Variants in LRRCC1 observed in about 807,000 individuals in gnomAD.
The protein encoded by LRRCC1 is leucine-rich repeat and coiled-coil domain-containing protein 1.
A neutral mutation model predicts 126.0 loss-of-function variants in LRRCC1; 115 were observed. That is an observed-to-expected ratio of 0.91 (90% CI 0.78 to 1.07). The LOEUF (loss-of-function observed/expected upper bound fraction) is 1.07. LRRCC1 is among the 50% of genes least tolerant of loss of function. The pLI is 0.00. For missense variants in LRRCC1, 1,172 were observed against 1,175.7 expected, an observed-to-expected ratio of 1.00 and a Z score of 0.05; for synonymous variants, 400 against 393.4, an observed-to-expected ratio of 1.02 and a Z score of -0.20.
intron 1 of LRRCC1, 175 bp downstream of exon 1, chr8:85,107,574 G>A (rs972400617): frequency 9.3e-6 from 5 of 535,586 alleles, no homozygotes; most frequent in Admixed American, 6.7e-5. Flanking sequence ...GAAGTGCCAG[G>A]TTGAATGAGC....
intron 18 of LRRCC1, among the ~76,000 whole-genome samples, chr8:85,142,052 T>G (rs538621533): frequency 6.6e-6 from 1 of 152,216 alleles, no homozygotes; most frequent in African/African-American, 2.4e-5. Flanking sequence ...TCCCAGCACT[T>G]TGGGAGGCCA....
chr8:85,119,667 T>C (rs1809383252), intron 6 of LRRCC1, among the ~76,000 whole-genome samples: 1 of 152,054 alleles, frequency 6.6e-6, no homozygotes, highest in Non-Finnish European at 1.5e-5. Context: ...CTAATTTTTG[T>C]AATTTCAGTA....
chr8:85,123,423 C>T lies in LRRCC1; in HGVS notation c.941C>T (p.Ser314Leu), dbSNP rs1432905737. 1 of 1,584,302 alleles carries T rather than the reference C, an allele frequency of 6.3e-7. No individual in the cohort carries two copies. Reference sequence around the variant, plus strand: ...CTTTTTAAATTTTAGACTTCTAATTCAATAGATAACGTTCTTGAGAAAGAC... The same window carrying T: ...CTTTTTAAATTTTAGACTTCTAATTTAATAGATAACGTTCTTGAGAAAGAC... ...ILQLLNETSN[S>L]IDNVLEKDPR... The change falls in exon 7 of 19, where the codon TCA becomes TTA. Residue 314 changes from serine to leucine, a missense_variant. Transcript: ENST00000360375.
chr8:85,121,681 T>C (rs1034514205), intron 6 of LRRCC1, among the ~76,000 whole-genome samples: 1 of 152,184 alleles, frequency 6.6e-6, no homozygotes. Context: ...GCTCAGGTGA[T>C]CCACCTGCCT....
intron 1 of LRRCC1, chr8:85,108,674 C>G (rs1268806036): frequency 6.6e-6 from 1 of 152,170 alleles, no homozygotes; most frequent in Admixed American, 6.5e-5. Flanking sequence ...CAGATAGTCA[C>G]ATTTAAAGGT....
chr8:85,144,924 A>G (rs985363201), intron 18 of LRRCC1, among the ~76,000 whole-genome samples: 2 of 148,968 alleles, frequency 1.3e-5, no homozygotes, highest in African/African-American at 4.9e-5. Context: ...AAAAAAAAAT[A>G]AAAAAGTTAG....
At chr8:85,125,963 T>G (rs1194701889) in intron 8 of LRRCC1, among the ~76,000 whole-genome samples, 22 of 152,148 alleles carry the variant, frequency 1.4e-4, no homozygotes, top group Admixed American at 1.4e-3. Context: ...CTATTGTGCC[T>G]GTGTTTCCCA....
rs1455516576 is a variant in LRRCC1, at chr8:85,129,175, G to T, written c.1422G>T (p.Arg474Ser). The T allele has an allele frequency of 6.2e-7, 1 of 1,601,490 alleles. No individual in the cohort carries two copies. Among genetic ancestry groups the T allele is most frequent in the Non-Finnish European group, 8.5e-7 (1 of 1,173,072 alleles). ...IHSLALLTTD[R>S]LKEIIFRERN... The stretch of plus-strand genomic sequence containing the variant: ...ACACCACATATAACTTCTGCTTTAG[G>T]CTAAAGGAAATTATTTTTAGAGAGA... Residue 474 changes from arginine (R) to serine (S), a missense_variant and splice_region_variant, in exon 10 of 19, where the codon AGG becomes AGT. By Grantham distance (110) the Arg-to-Ser change is moderately radical. Coordinates refer to ENST00000360375, the MANE Select transcript of LRRCC1 (RefSeq NM_033402.5).
At chr8:85,141,302 C>T in intron 17 of LRRCC1, 80 bp from the exon 18 acceptor site, 1 of 1,170,942 alleles carries the variant, frequency 8.5e-7, no homozygotes, top group Non-Finnish European at 1.2e-6. Flanking sequence ...ATGTGAGCCA[C>T]CCGAGAAGAA....
Position 85,145,637 on chromosome 8 carries a change from A to ATT in LRRCC1, c.*130_*131dup, listed in dbSNP as rs754960141. The ATT allele has an allele frequency of 4.2e-5, 30 of 711,292 alleles. No individual in the cohort carries two copies. The African/African-American group carries it at 5.9e-4, about 14-fold the overall frequency. 44.1% of individuals were successfully genotyped at this position (711,292 alleles called of 1,614,324 possible). On this transcript the variant is annotated 3_prime_UTR_variant, in exon 19 of 19. Transcript: ENST00000360375. Reference sequence around the variant, plus strand: ...TTTCTATACATTTCATTATGAATATATTTTTAAAGACTTTTGATCAAGTAT... The same window carrying ATT: ...TTTCTATACATTTCATTATGAATATATTTTTTTAAAGACTTTTGATCAAGTAT...
At chr8:85,132,024 G>A in intron 12 of LRRCC1, 63 bp downstream of exon 12, 1 of 1,378,018 alleles carries the variant, frequency 7.3e-7, no homozygotes, top group Non-Finnish European at 1.0e-6. Flanking sequence ...TTGATGAGAG[G>A]ACTTGTTTTA....
In LRRCC1 at chr8:85,110,524, A is replaced by C. The variant is rs117904542; in HGVS notation, c.376+344A>C. 4.0e-3 allele frequency among the ~76,000 whole-genome samples: 617 copies of C among 152,362 alleles called. 2 individuals carry two copies. The highest frequency in any genetic ancestry group is 6.0e-3 in the Admixed American group (92 of 15,306). Reference sequence around the variant, plus strand: ...CTTTCCACAGTGGTAAAAATGTTCTAATCTGTGCTGTTCAATATGGCAGCC... The same window carrying C: ...CTTTCCACAGTGGTAAAAATGTTCTCATCTGTGCTGTTCAATATGGCAGCC... On this transcript the variant is annotated intron_variant, in intron 3 of 18. Coordinates refer to ENST00000360375, the MANE Select transcript of LRRCC1 (RefSeq NM_033402.5).
At position 85,145,424 on chromosome 8, in the gene LRRCC1, G is replaced by T; in HGVS notation, c.3012G>T (p.Leu1004Phe). The T allele has an allele frequency of 1.3e-6, 2 of 1,568,018 alleles. No homozygotes were observed. The highest frequency in any genetic ancestry group is 2.5e-5 in the South Asian group (2 of 79,384). The change falls in exon 19 of 19, where the codon TTG (leucine) becomes TTT (phenylalanine). Residue 1004 changes from leucine (L) to phenylalanine (F), a missense_variant. Coordinates refer to ENST00000360375, the MANE Select transcript of LRRCC1 (RefSeq NM_033402.5). Reference protein sequence around the residue: ...HQIEKEMRELLEETCKNKKTM... With the variant: ...HQIEKEMRELFEETCKNKKTM... ...TTGAAAAAGAAATGCGTGAACTTTT[G>T]GAAGAAACATGCAAGAACAAAAAAA...
Position 85,145,614 on chromosome 8 carries a change from T to A in LRRCC1, c.*103T>A, listed in dbSNP as rs535405410. On this transcript the variant is annotated 3_prime_UTR_variant, in exon 19 of 19. Coordinates refer to ENST00000360375, the MANE Select transcript of LRRCC1 (RefSeq NM_033402.5). ...CTGCTATGACTTTGAAATGTCTCTTTCTATACATTTCATTATGAATATATT... is the reference window on the plus strand; with the variant it reads ...CTGCTATGACTTTGAAATGTCTCTTACTATACATTTCATTATGAATATATT... The A allele has an allele frequency of 2.3e-6, 2 of 858,428 alleles. No individual in the cohort carries two copies. Among genetic ancestry groups the A allele is most frequent in the South Asian group, 4.3e-5 (2 of 46,662 alleles). 53.2% of individuals were successfully genotyped at this position (858,428 alleles called of 1,614,324 possible).
Position 85,135,818 on chromosome 8 carries a change from T to C in LRRCC1, c.2184T>C (p.Ile728=). 2 of 1,560,038 alleles carry C rather than the reference T, an allele frequency of 1.3e-6. No individual in the cohort carries two copies. The highest frequency in any genetic ancestry group is 1.7e-6 in the Non-Finnish European group (2 of 1,153,882). ...QNQINTLEIL[I]EDDKQKSIQI... is the part of the protein sequence containing the mutation. ...AAATCAACACCCTTGAAATTTTAAT[T>C]GAAGATGACAAGCAGAAGAGTATTC... is the stretch of plus-strand genomic sequence containing the variant. The change falls in exon 14 of 19, where the codon ATT becomes ATC. Residue 728 remains isoleucine (I), a synonymous_variant. Transcript: ENST00000360375.
intron 11 of LRRCC1, among the ~76,000 whole-genome samples, chr8:85,131,546 A>G (rs926066897): frequency 1.3e-5 from 2 of 152,218 alleles, no homozygotes; most frequent in African/African-American, 4.8e-5. Context: ...AAGATTTGAC[A>G]TACTTCCCTT....
intron 3 of LRRCC1, 69 bp from the exon 4 acceptor site, chr8:85,112,863 C>G: frequency 8.5e-7 from 1 of 1,173,952 alleles, no homozygotes; most frequent in East Asian, 2.5e-5. Context: ...ACCTATCTAG[C>G]AATTATTTCT....
intron 17 of LRRCC1, among the ~76,000 whole-genome samples, chr8:85,141,175 A>G (rs1375414457): frequency 2.6e-5 from 4 of 152,118 alleles, no homozygotes; most frequent in African/African-American, 7.2e-5. Flanking sequence ...TATTATCCTA[A>G]CCTAATGTTA....
intron 15 of LRRCC1, 28 bp downstream of exon 15, chr8:85,137,655 AG>A: frequency 7.2e-7 from 1 of 1,385,094 alleles, no homozygotes; most frequent in African/African-American, 1.5e-5. Flanking sequence ...TTTTGGTTAA[AG>A]AGCAAATGGC....
Sources: gnomAD v4.1 joint callset for allele counts (sites outside exome capture counted in the v4.1 genomes callset) on GRCh38, gnomAD v4.1.1 for gene constraint, MANE v1.5 for transcripts, NCBI Gene and HGNC (gene_info 2026-07-23, HGNC 2026-07-21) for gene names.